The following RBFOX2 variants were observed in gnomAD, a reference collection of about 807,000 sequenced individuals.
RBFOX2 encodes RNA binding protein fox-1 homolog 2.
In RBFOX2, 10 loss-of-function variants were observed where a neutral mutation model predicts 49.1. That is an observed-to-expected ratio of 0.20 (90% CI 0.13 to 0.35). RBFOX2 has a LOEUF of 0.35. RBFOX2 is among the 10% of genes least tolerant of loss of function. The pLI is 1.00. For synonymous variants in RBFOX2, 183 were observed against 187.4 expected, an observed-to-expected ratio of 0.98 and a Z score of 0.19; for missense variants, 323 against 486.9, an observed-to-expected ratio of 0.66 and a Z score of 3.17.
At chr22:35,904,047 T>G (rs1479340926) in intron 1 of RBFOX2, among the ~76,000 whole-genome samples, 1 of 152,314 alleles carries the variant, frequency 6.6e-6, no homozygotes, top group Non-Finnish European at 1.5e-5. Context: ...TCAATCACTA[T>G]TCTAAAGACA....
intron 1 of RBFOX2, among the ~76,000 whole-genome samples, chr22:35,930,686 C>T (rs1350943206): frequency 1.3e-5 from 2 of 151,690 alleles, no homozygotes; most frequent in Non-Finnish European, 2.9e-5. Flanking sequence ...AAAAAGTAGT[C>T]GGGTTTGGTG....
At chr22:35,954,759 A>C (rs1188700560) in intron 1 of RBFOX2, among the ~76,000 whole-genome samples, 1 of 152,248 alleles carries the variant, frequency 6.6e-6, no homozygotes, top group Non-Finnish European at 1.5e-5. Flanking sequence ...TAAGCTAGGG[A>C]TTCTTTTCTC....
intron 1 of RBFOX2, among the ~76,000 whole-genome samples, chr22:36,026,484 G>A (rs886970077): frequency 2.0e-5 from 3 of 151,816 alleles, no homozygotes; most frequent in African/African-American, 7.3e-5. Context: ...GTAAATGAGG[G>A]AAAGGGACGG....
chr22:35,916,241 T>C (rs1603447870), intron 1 of RBFOX2, among the ~76,000 whole-genome samples: 2 of 152,220 alleles, frequency 1.3e-5, no homozygotes, highest in Non-Finnish European at 2.9e-5. Context: ...TGGTAAAATA[T>C]GGCTTCTACT....
chr22:35,794,522 G>C (rs542424400), intron 2 of RBFOX2, among the ~76,000 whole-genome samples: 2 of 152,160 alleles, frequency 1.3e-5, no homozygotes, highest in South Asian at 4.2e-4. Context: ...GCCAGGCGTG[G>C]TGGTGGGCAC....
At chr22:36,018,762 C>T (rs1039338628) in intron 1 of RBFOX2, among the ~76,000 whole-genome samples, 21 of 152,072 alleles carry the variant, frequency 1.4e-4, no homozygotes, top group African/African-American at 4.3e-4. Context: ...TACAGGCATG[C>T]GCCACCACGC....
intron 1 of RBFOX2, among the ~76,000 whole-genome samples, chr22:36,014,405 C>A (rs1007965489): frequency 6.6e-6 from 1 of 152,238 alleles, no homozygotes; most frequent in East Asian, 1.9e-4. Flanking sequence ...CCACCGCGCC[C>A]GGCCACCTGT....
At chr22:35,802,412 C>T (rs968409723) in intron 2 of RBFOX2, among the ~76,000 whole-genome samples, 4 of 152,148 alleles carry the variant, frequency 2.6e-5, no homozygotes, top group Non-Finnish European at 5.9e-5. Flanking sequence ...TCAAAAACAG[C>T]CATTTCAGGA....
intron 1 of RBFOX2, among the ~76,000 whole-genome samples, chr22:35,849,296 CAA>C (rs1491391035): frequency 4.8e-4 from 55 of 114,550 alleles, no homozygotes; most frequent in African/African-American, 3.2e-3. Flanking sequence ...CATACACACA[CAA>C]ACACACACAC....
At chr22:35,963,948 A>T (rs1259242038), upstream of RBFOX2, among the ~76,000 whole-genome samples, 1 of 152,052 alleles carries the variant, frequency 6.6e-6, no homozygotes, top group Non-Finnish European at 1.5e-5. Flanking sequence ...GTTACACCAT[A>T]TTGGCCAGGC....
exon 1 of RBFOX2, among the ~76,000 whole-genome samples, chr22:36,028,671 A>G (rs2059545117): frequency 6.8e-6 from 1 of 148,062 alleles, no homozygotes; most frequent in Non-Finnish European, 1.5e-5. Context: ...GCGGGTCGTG[A>G]TGAGCACTCG....
chr22:35,958,108 A>C (rs2055788404), intron 1 of RBFOX2, among the ~76,000 whole-genome samples: 1 of 152,212 alleles, frequency 6.6e-6, no homozygotes. Context: ...ACCCCAAAAA[A>C]AGTCATTATA....
intron 6 of RBFOX2, among the ~76,000 whole-genome samples, chr22:35,765,148 G>A (rs565945064): frequency 6.7e-6 from 1 of 150,276 alleles, no homozygotes; most frequent in South Asian, 2.1e-4. Context: ...TGCTCAGGTG[G>A]GATCCAATTT....
intron 1 of RBFOX2, among the ~76,000 whole-genome samples, chr22:35,828,906 C>T (rs1476082829): frequency 6.6e-6 from 1 of 151,984 alleles, no homozygotes; most frequent in Non-Finnish European, 1.5e-5. Context: ...AAAAAATTAG[C>T]CAGGCGTGGT....
chr22:35,946,664 C>G (rs564393217), intron 1 of RBFOX2, among the ~76,000 whole-genome samples: 12 of 152,198 alleles, frequency 7.9e-5, no homozygotes, highest in Non-Finnish European at 1.5e-4. Context: ...ATTTCCTTAG[C>G]TTCCTCTACA....
intron 1 of RBFOX2, among the ~76,000 whole-genome samples, chr22:35,859,015 T>C (rs1170882141): frequency 2.0e-5 from 3 of 152,076 alleles, no homozygotes. Context: ...ATCTTCAACA[T>C]TGCATGAAGG....
At chr22:35,988,309 A>G (rs2057809350) in intron 1 of RBFOX2, among the ~76,000 whole-genome samples, 1 of 152,244 alleles carries the variant, frequency 6.6e-6, no homozygotes, top group South Asian at 2.1e-4. Context: ...AGCTTACTAT[A>G]AATCACGTAC....
chr22:35,765,584 A>T (rs560941332), intron 5 of RBFOX2, 101 bp from the exon 7 acceptor site: 1 of 565,468 alleles, frequency 1.8e-6, no homozygotes, highest in South Asian at 3.7e-5. Context: ...TAAAATGTAA[A>T]TTTCTGAGAG....
At chr22:35,899,185 A>ACATAACAAACATAAAAAAT (rs2048261921) in intron 1 of RBFOX2, among the ~76,000 whole-genome samples, 1 of 151,744 alleles carries the variant, frequency 6.6e-6, no homozygotes, top group Non-Finnish European at 1.5e-5. Flanking sequence ...AACAAACATA[A>ACATAACAAACATAAAAAAT]AAAATAAAAT....
Sources: allele counts gnomAD v4.1 joint callset (sites outside exome capture counted in the v4.1 genomes callset), GRCh38; gene constraint gnomAD v4.1.1; transcripts MANE v1.5; gene names NCBI Gene and HGNC (gene_info 2026-07-23, HGNC 2026-07-21).